Variants in GRM1 observed in about 807,000 individuals in gnomAD.
GRM1 encodes glutamate metabotropic receptor 1, also known as metabotropic glutamate receptor 1.
GRM1 carries 33 observed loss-of-function variants against 90.9 expected under a neutral mutation model. The ratio of observed to expected loss-of-function variants is 0.36; its 90% CI spans 0.28 to 0.49. GRM1 has a LOEUF of 0.49. GRM1 is among the 20% of genes least tolerant of loss of function. GRM1 has a pLI of 0.99. For missense variants in GRM1, 1,190 were observed against 1,534.3 expected, an observed-to-expected ratio of 0.78 and a Z score of 3.75; for synonymous variants, 700 against 613.2, an observed-to-expected ratio of 1.14 and a Z score of -2.09.
rs535251099 is a variant in GRM1 at position 146,224,989 on chromosome 6, C to G, written c.950+65392C>G. ...CCCACCCCAAATACAGGAGATGCAT[C>G]CCCTTCAAATGGTTGTTTATGTCCT... On this transcript the variant is annotated intron_variant, in intron 2 of 7. Transcript: ENST00000282753. Among the ~76,000 whole-genome samples, 75 of 152,180 alleles carry G rather than the reference C, an allele frequency of 4.9e-4. No homozygotes were observed. The South Asian group carries it at 0.014, about 29-fold the overall frequency.
chr6:146,363,877 A>G (rs1484588107), intron 5 of GRM1, among the ~76,000 whole-genome samples: 3 of 152,250 alleles, frequency 2.0e-5, no homozygotes, highest in Non-Finnish European at 4.4e-5. Context: ...AAAATATGCT[A>G]TAACACCATT....
At chr6:146,286,027 AC>A (rs1782755932) in intron 2 of GRM1, among the ~76,000 whole-genome samples, 1 of 152,130 alleles carries the variant, frequency 6.6e-6, no homozygotes, top group Non-Finnish European at 1.5e-5. Flanking sequence ...AGCTTCCCAC[AC>A]CTTTAGAACA....
At chr6:146,359,535 A>G (rs1775380051) in intron 5 of GRM1, among the ~76,000 whole-genome samples, 1 of 152,246 alleles carries the variant, frequency 6.6e-6, no homozygotes, top group African/African-American at 2.4e-5. Context: ...TGGAAAAAAT[A>G]AAACCTGGCA....
chr6:146,030,888 A>G (rs1290657284), intron 1 of GRM1, among the ~76,000 whole-genome samples: 1 of 152,148 alleles, frequency 6.6e-6, no homozygotes, highest in Non-Finnish European at 1.5e-5. Context: ...TCACTCCCCC[A>G]AGAATTATCT....
Position 146,434,533 on chromosome 6 carries a change from G to T in GRM1, c.3322G>T (p.Glu1108Ter). 1 of 1,614,146 alleles carries T rather than the reference G, an allele frequency of 6.2e-7. No homozygotes were observed. The highest frequency in any genetic ancestry group is 8.5e-7 in the Non-Finnish European group (1 of 1,180,016). The change falls in exon 8 of 8, where the codon GAG (glutamate) becomes TAG (stop). Residue 1108 changes from glutamate to a stop codon, truncating the protein, a stop_gained. Transcript: ENST00000282753. LOFTEE classifies it high-confidence loss of function. ...DDSERFKLLQ[E>*]YVYEHEREGN... is the part of the protein sequence containing the mutation. ...CAGCGAGAGGTTTAAGCTCCTCCAG[G>T]AGTACGTGTATGAGCACGAGCGGGA...
intron 3 of GRM1, among the ~76,000 whole-genome samples, chr6:146,321,821 A>G (rs995811895): frequency 6.6e-6 from 1 of 152,024 alleles, no homozygotes; most frequent in Non-Finnish European, 1.5e-5. Context: ...TGCTTGGTAA[A>G]TATTCTTCCA....
intron 1 of GRM1, among the ~76,000 whole-genome samples, chr6:146,084,167 AT>A (rs578202765): frequency 1.3e-5 from 2 of 149,012 alleles, no homozygotes; most frequent in Non-Finnish European, 1.5e-5. Flanking sequence ...TATTTTGTCA[AT>A]TTTTTTTCAA....
chr6:146,421,511 C>T (rs1186910691), intron 7 of GRM1, among the ~76,000 whole-genome samples: 1 of 152,002 alleles, frequency 6.6e-6, no homozygotes, highest in Non-Finnish European at 1.5e-5. Flanking sequence ...AGTGACAATA[C>T]ATACCAATTT....
intron 2 of GRM1, among the ~76,000 whole-genome samples, chr6:146,161,797 T>C (rs1488471995): frequency 2.0e-5 from 3 of 152,200 alleles, no homozygotes; most frequent in Admixed American, 6.5e-5. Context: ...TAGAGAATTT[T>C]AATGAAAGCA....
At chr6:146,254,651 G>A (rs1781422310) in intron 2 of GRM1, among the ~76,000 whole-genome samples, 2 of 151,864 alleles carry the variant, frequency 1.3e-5, no homozygotes, top group African/African-American at 4.8e-5. Context: ...GCTCTGTTTT[G>A]TTCTATTTTA....
chr6:146,132,459 T>A (rs573597711), intron 1 of GRM1, among the ~76,000 whole-genome samples: 9 of 152,234 alleles, frequency 5.9e-5, no homozygotes, highest in Non-Finnish European at 1.3e-4. Context: ...ATATGGAATA[T>A]ATCTAAGTTA....
intron 2 of GRM1, among the ~76,000 whole-genome samples, chr6:146,291,877 A>G (rs1782995941): frequency 6.6e-6 from 1 of 152,056 alleles, no homozygotes; most frequent in South Asian, 2.1e-4. Flanking sequence ...AAACAGAAAA[A>G]GAAATTTTAA....
intron 2 of GRM1, among the ~76,000 whole-genome samples, chr6:146,174,972 TGA>T (rs1402958226): frequency 2.0e-5 from 3 of 152,138 alleles, no homozygotes; most frequent in Non-Finnish European, 4.4e-5. Context: ...CTGGCTTCCC[TGA>T]GGTGGGGGGC....
intron 1 of GRM1, among the ~76,000 whole-genome samples, chr6:146,126,063 A>C (rs1246605910): frequency 1.3e-5 from 2 of 152,108 alleles, no homozygotes; most frequent in African/African-American, 2.4e-5. Context: ...TTTCAGAACC[A>C]AAAATTTCTG....
intron 7 of GRM1, among the ~76,000 whole-genome samples, chr6:146,405,551 A>G (rs1777315019): frequency 6.6e-6 from 1 of 152,206 alleles, no homozygotes; most frequent in African/African-American, 2.4e-5. Context: ...CAAGATCAGG[A>G]TGCCAACATG....
intron 1 of GRM1, among the ~76,000 whole-genome samples, chr6:146,132,699 C>T (rs1263609142): frequency 1.3e-5 from 2 of 152,196 alleles, no homozygotes; most frequent in African/African-American, 4.8e-5. Flanking sequence ...AGAATCAAGA[C>T]CTACTTTAAA....
intron 1 of GRM1, among the ~76,000 whole-genome samples, chr6:146,084,706 A>C (rs1423233788): frequency 6.6e-6 from 1 of 152,170 alleles, no homozygotes; most frequent in African/African-American, 2.4e-5. Context: ...GGAAGAATGC[A>C]TATTCTGTTG....
At chr6:146,096,602 C>T (rs1185199190) in intron 1 of GRM1, among the ~76,000 whole-genome samples, 1 of 152,168 alleles carries the variant, frequency 6.6e-6, no homozygotes, top group East Asian at 1.9e-4. Context: ...TGGTTTTTCC[C>T]TCTTAATCCC....
chr6:146,253,874 G>C (rs1355419810), intron 2 of GRM1, among the ~76,000 whole-genome samples: 1 of 152,110 alleles, frequency 6.6e-6, no homozygotes, highest in Non-Finnish European at 1.5e-5. Flanking sequence ...TTGAGTCACA[G>C]GGATACAGGC....
Sources: allele counts gnomAD v4.1 joint callset (sites outside exome capture counted in the v4.1 genomes callset), GRCh38; gene constraint gnomAD v4.1.1; transcripts MANE v1.5; gene names NCBI Gene and HGNC (gene_info 2026-07-23, HGNC 2026-07-21).